Variants in NBAS observed in about 807,000 individuals in gnomAD.
NBAS encodes the protein NBAS subunit of NRZ tethering complex, also known as NAG/BC035112 fusion.
In NBAS, 219 loss-of-function variants were observed where a neutral mutation model predicts 302.5. That is an observed-to-expected ratio of 0.72 (90% CI 0.65 to 0.81). The LOEUF is 0.81. Among genes scored for constraint, NBAS ranks in the 30% least tolerant of loss-of-function variants. The pLI is 0.00. For missense variants in NBAS, 2,932 were observed against 2,841.6 expected, an observed-to-expected ratio of 1.03 and a Z score of -0.72; for synonymous variants, 1,118 against 1,021.6, an observed-to-expected ratio of 1.09 and a Z score of -1.80.
chr2:15,275,632 T>A lies in NBAS; in HGVS notation c.5576A>T (p.Asp1859Val), dbSNP rs1458375509. The A allele has an allele frequency of 1.2e-6, 2 of 1,613,924 alleles. No individual in the cohort carries two copies. Among genetic ancestry groups the A allele is most frequent in the African/African-American group, 2.7e-5 (2 of 74,900 alleles). The change falls in exon 44 of 52, where the codon GAC becomes GTC. Residue 1859 changes from aspartate (D) to valine (V), a missense_variant. Physicochemically the swap from Asp to Val is radical, Grantham distance 152 (BLOSUM62 -3). Transcript: ENST00000281513. The stretch of plus-strand genomic sequence containing the variant: ...TGGGACTTGTTTAATGAGATGAGGG[T>A]CTCCAGTCCAGAACAACTTCTGTAA... ...IWLQKLFWTG[D>V]PHLIKQVPGS...
chr2:15,374,444 G>A (rs554447799), intron 31 of NBAS, among the ~76,000 whole-genome samples, 164 bp downstream of exon 31: 1 of 151,872 alleles, frequency 6.6e-6, no homozygotes, highest in African/African-American at 2.4e-5. Flanking sequence ...TTTCTTTTGG[G>A]TTTCCACTTG....
the NBAS span, among the ~76,000 whole-genome samples, chr2:15,127,076 A>G: frequency 5.9e-5 from 9 of 152,316 alleles, no homozygotes; most frequent in African/African-American, 2.2e-4. Flanking sequence ...TATGTGGCCC[A>G]GGAAGTCACA....
intron 37 of NBAS, 71 bp from the exon 38 acceptor site, chr2:15,327,941 A>G: frequency 6.3e-7 from 1 of 1,576,308 alleles, no homozygotes; most frequent in East Asian, 2.2e-5. Flanking sequence ...TTAGAAAACA[A>G]TTATAGGATG....
chr2:15,190,812 A>T (rs1665317082), intron 48 of NBAS, among the ~76,000 whole-genome samples: 1 of 152,166 alleles, frequency 6.6e-6, no homozygotes, highest in South Asian at 2.1e-4. Flanking sequence ...TGAAATCCTA[A>T]TCTTCATGTT....
chr2:15,251,772 T>G (rs1488911085), intron 44 of NBAS, among the ~76,000 whole-genome samples: 2 of 152,206 alleles, frequency 1.3e-5, no homozygotes, highest in Non-Finnish European at 2.9e-5. Flanking sequence ...GCTTCTTTAC[T>G]GCAAGCTGTT....
At chr2:15,198,114 A>T (rs1665703363) in intron 48 of NBAS, among the ~76,000 whole-genome samples, 1 of 152,226 alleles carries the variant, frequency 6.6e-6, no homozygotes, top group Non-Finnish European at 1.5e-5. Flanking sequence ...ACAGGAAGAA[A>T]GTGTCAGTTG....
rs140490436 is a variant in NBAS at position 15,315,305 on chromosome 2, G to C, written c.4583-6058C>G. Among the ~76,000 whole-genome samples the C allele has an allele frequency of 2.9e-4, 44 of 152,322 alleles. No individual in the cohort carries two copies. The East Asian group carries it at 6.7e-3, about 23-fold the overall frequency. ...AGAGGGGTGGAAAAATACAGGTACAGTAAATGTGGCAATATTAACTGGAGG... is the reference window on the plus strand; with the variant it reads ...AGAGGGGTGGAAAAATACAGGTACACTAAATGTGGCAATATTAACTGGAGG... On this transcript the variant is annotated intron_variant, in intron 38 of 51. Coordinates refer to ENST00000281513, the MANE Select transcript of NBAS (RefSeq NM_015909.4).
At chr2:15,099,297 T>TC in the NBAS span, among the ~76,000 whole-genome samples, 1 of 151,644 alleles carries the variant, frequency 6.6e-6, no homozygotes, top group Non-Finnish European at 1.5e-5. Flanking sequence ...CTCTGTCTCC[T>TC]CCCCGCCGAC....
the NBAS span, among the ~76,000 whole-genome samples, chr2:14,879,136 G>A: frequency 6.6e-6 from 1 of 152,118 alleles, no homozygotes; most frequent in Non-Finnish European, 1.5e-5. Flanking sequence ...TGGCTTTATA[G>A]TTCATTTCTT....
chr2:15,521,293 A>G (rs1662657450), intron 9 of NBAS, among the ~76,000 whole-genome samples: 2 of 152,188 alleles, frequency 1.3e-5, no homozygotes. Context: ...AGATGTGACC[A>G]AAGAAACACT....
chr2:15,458,794 C>T (rs999978008), intron 21 of NBAS, among the ~76,000 whole-genome samples: 19 of 151,946 alleles, frequency 1.3e-4, no homozygotes, highest in African/African-American at 3.9e-4. Flanking sequence ...TACAACTATA[C>T]AAAAAAACAG....
At chr2:15,044,841 A>G in the NBAS span, among the ~76,000 whole-genome samples, 1 of 152,240 alleles carries the variant, frequency 6.6e-6, no homozygotes, top group Non-Finnish European at 1.5e-5. Flanking sequence ...GAAAGGCATC[A>G]GGATGATTCC....
intron 16 of NBAS, 91 bp from the exon 17 acceptor site, chr2:15,468,624 G>A: frequency 7.0e-7 from 1 of 1,431,922 alleles, no homozygotes; most frequent in South Asian, 1.2e-5. Context: ...AGCTATACCT[G>A]ATGTATTACA....
the NBAS span, among the ~76,000 whole-genome samples, chr2:14,848,943 G>A: frequency 7.0e-6 from 1 of 143,264 alleles, no homozygotes; most frequent in Non-Finnish European, 1.5e-5. Flanking sequence ...CATCATCAAA[G>A]ACCAAAAGTA....
At chr2:14,844,992 T>A in the NBAS span, among the ~76,000 whole-genome samples, 13 of 152,332 alleles carry the variant, frequency 8.5e-5, no homozygotes, top group Non-Finnish European at 1.9e-4. Context: ...ACCCTCAAGA[T>A]GAGAGACACA....
the NBAS span, among the ~76,000 whole-genome samples, chr2:15,047,781 T>C: frequency 6.6e-6 from 1 of 152,240 alleles, no homozygotes; most frequent in African/African-American, 2.4e-5. Context: ...CACGAACATG[T>C]GCTCTGCAAG....
At chr2:14,965,403 A>G in the NBAS span, among the ~76,000 whole-genome samples, 1 of 152,222 alleles carries the variant, frequency 6.6e-6, no homozygotes, top group South Asian at 2.1e-4. Flanking sequence ...ACAATGTTAT[A>G]CAAATAAATT....
At chr2:15,103,623 C>T in the NBAS span, among the ~76,000 whole-genome samples, 1 of 152,252 alleles carries the variant, frequency 6.6e-6, no homozygotes, top group East Asian at 1.9e-4. Context: ...CACAGGGAAG[C>T]TTCTCAATAA....
At chr2:14,944,388 G>A in the NBAS span, among the ~76,000 whole-genome samples, 1 of 152,184 alleles carries the variant, frequency 6.6e-6, no homozygotes, top group South Asian at 2.1e-4. Context: ...TTCACTTCAA[G>A]TATCTCATTT....
Sources: allele counts gnomAD v4.1 joint callset (sites outside exome capture counted in the v4.1 genomes callset), GRCh38; gene constraint gnomAD v4.1.1; transcripts MANE v1.5; gene names NCBI Gene and HGNC (gene_info 2026-07-23, HGNC 2026-07-21).